Variants in IL16 observed in about 807,000 individuals in gnomAD.
IL16 encodes pro-interleukin-16.
In IL16, 67 loss-of-function variants were observed where a neutral mutation model predicts 110.1. That is an observed-to-expected ratio of 0.61 (90% CI 0.50 to 0.75). The LOEUF is 0.75. IL16 is among the 30% of genes least tolerant of loss of function. IL16 has a pLI of 0.00. For missense variants in IL16, 1,545 were observed against 1,655.0 expected (o/e 0.93, Z 1.15); for synonymous variants, 689 against 662.9 (o/e 1.04, Z -0.61).
At chr15:81,221,822 T>C (rs1312495626) in intron 1 of IL16, among the ~76,000 whole-genome samples, 3 of 152,154 alleles carry the variant, frequency 2.0e-5, no homozygotes, top group African/African-American at 7.2e-5. Flanking sequence ...GCCTAGGTCA[T>C]GAAAGTGGTG....
upstream of IL16, among the ~76,000 whole-genome samples, chr15:81,193,788 G>C (rs1016925872): frequency 6.6e-6 from 1 of 152,110 alleles, no homozygotes; most frequent in Non-Finnish European, 1.5e-5. Flanking sequence ...GTTTGCATCC[G>C]TAAGTGGGGA....
rs1239686052 is a variant in IL16, at chr15:81,279,779, G to C, written c.1081+5G>C. The C allele has an allele frequency of 3.1e-6, 5 of 1,612,930 alleles. No individual in the cohort carries two copies. In the South Asian group the frequency reaches 4.4e-5, roughly 14 times the overall value. On this transcript the variant is annotated splice_donor_5th_base_variant and intron_variant, in intron 8 of 18. Transcript: ENST00000683961. ...TGGAGGTTTCTCTGCAGAAAGGTAG[G>C]AGTGCTGCAGCTGTGTCCCGTGCCT... is the stretch of plus-strand genomic sequence containing the variant.
intron 6 of IL16, 80 bp from the exon 7 acceptor site, chr15:81,278,737 G>A: frequency 1.1e-6 from 1 of 935,520 alleles, no homozygotes; most frequent in Non-Finnish European, 1.8e-6. Context: ...GGGCAGTTGG[G>A]GAGACTAGAG....
intron 1 of IL16, among the ~76,000 whole-genome samples, chr15:81,200,766 A>G (rs1027192410): frequency 6.6e-6 from 1 of 152,170 alleles, no homozygotes; most frequent in South Asian, 2.1e-4. Context: ...TGTAACTGAA[A>G]TATTCCTGAT....
intron 2 of IL16, among the ~76,000 whole-genome samples, chr15:81,240,617 C>A (rs78853173): frequency 2.0e-5 from 3 of 152,036 alleles, no homozygotes; most frequent in African/African-American, 7.2e-5. Flanking sequence ...TAACGTTGTA[C>A]GTATATAAAC....
chr15:81,271,377 G>A (rs1356183055), intron 5 of IL16, among the ~76,000 whole-genome samples: 1 of 152,160 alleles, frequency 6.6e-6, no homozygotes, highest in African/African-American at 2.4e-5. Flanking sequence ...GGAGGCTGAG[G>A]TGGGAGGATT....
chr15:81,222,678 C>T (rs1192546070), intron 1 of IL16, among the ~76,000 whole-genome samples: 1 of 151,994 alleles, frequency 6.6e-6, no homozygotes, highest in African/African-American at 2.4e-5. Context: ...TAACACAGCA[C>T]TGATTATCTT....
At chr15:81,235,935 CG>C (rs1346320317) in intron 2 of IL16, among the ~76,000 whole-genome samples, 1 of 152,270 alleles carries the variant, frequency 6.6e-6, no homozygotes, top group East Asian at 1.9e-4. Flanking sequence ...ACAGGACACT[CG>C]ATCTGGAAGA....
At chr15:81,254,829 C>A (rs1351523321) in intron 2 of IL16, among the ~76,000 whole-genome samples, 2 of 152,134 alleles carry the variant, frequency 1.3e-5, no homozygotes. Context: ...ACATACTTGC[C>A]AGAGAGAGAC....
intron 1 of IL16, among the ~76,000 whole-genome samples, chr15:81,204,984 T>C (rs1417014289): frequency 1.3e-5 from 2 of 151,962 alleles, no homozygotes; most frequent in Non-Finnish European, 2.9e-5. Flanking sequence ...TCAGTGACGG[T>C]TGTTAATACG....
At chr15:81,209,811 G>C (rs1464478972) in intron 1 of IL16, among the ~76,000 whole-genome samples, 1 of 152,154 alleles carries the variant, frequency 6.6e-6, no homozygotes, top group Admixed American at 6.5e-5. Flanking sequence ...GCGTGACTCA[G>C]TTGGCCCAGA....
chr15:81,201,516 T>G (rs1188560091), intron 1 of IL16, among the ~76,000 whole-genome samples: 5 of 152,226 alleles, frequency 3.3e-5, no homozygotes, highest in African/African-American at 9.7e-5. Flanking sequence ...CGAACAACTT[T>G]TTGAGCCACT....
intron 1 of IL16, among the ~76,000 whole-genome samples, chr15:81,199,031 A>AAAT (rs71153567): frequency 1.7e-4 from 16 of 96,776 alleles, no homozygotes; most frequent in African/African-American, 6.8e-4. Flanking sequence ...AAAAAAAAAA[A>AAAT]TATATATATA....
intron 13 of IL16, 194 bp from the exon 14 acceptor site, chr15:81,299,186 C>G: frequency 1.2e-6 from 1 of 832,070 alleles, no homozygotes; most frequent in South Asian, 1.4e-5. Context: ...ACTCCTACTT[C>G]TGGTCCTTCA....
At chr15:81,281,621 A>C (rs1418162315) in intron 8 of IL16, among the ~76,000 whole-genome samples, 1 of 152,172 alleles carries the variant, frequency 6.6e-6, no homozygotes, top group African/African-American at 2.4e-5. Context: ...CACATTGCAC[A>C]TGTCATTTGG....
chr15:81,271,125 T>G (rs1898613831), intron 5 of IL16, among the ~76,000 whole-genome samples: 1 of 152,038 alleles, frequency 6.6e-6, no homozygotes, highest in Non-Finnish European at 1.5e-5. Flanking sequence ...CCTCCTATTA[T>G]CTCCCTTTTA....
chr15:81,215,379 A>C (rs140836355), intron 1 of IL16, among the ~76,000 whole-genome samples: 50 of 152,334 alleles, frequency 3.3e-4, no homozygotes, highest in African/African-American at 1.2e-3. Flanking sequence ...ACAGATGCAT[A>C]TATTAGTAGG....
intron 1 of IL16, among the ~76,000 whole-genome samples, chr15:81,190,181 G>A (rs908411254): frequency 6.6e-6 from 1 of 152,188 alleles, no homozygotes; most frequent in African/African-American, 2.4e-5. Flanking sequence ...TTGCTGAGTG[G>A]AAACATTCTC....
At chr15:81,192,385 G>A (rs1436314873), upstream of IL16, among the ~76,000 whole-genome samples, 4 of 152,084 alleles carry the variant, frequency 2.6e-5, no homozygotes, top group African/African-American at 9.7e-5. Context: ...AGGACTGCTT[G>A]AGGCCAGGAG....
Sources: allele counts gnomAD v4.1 joint callset (sites outside exome capture counted in the v4.1 genomes callset), GRCh38; gene constraint gnomAD v4.1.1; transcripts MANE v1.5; gene names NCBI Gene and HGNC (gene_info 2026-07-23, HGNC 2026-07-21).